The following FGF12 variants were observed in gnomAD, a reference collection of about 807,000 sequenced individuals.
FGF12 encodes fibroblast growth factor 12B.
In FGF12, 14 loss-of-function variants were observed where a neutral mutation model predicts 23.6. That is an observed-to-expected ratio of 0.59 (90% CI 0.39 to 0.93). FGF12 has a LOEUF of 0.93. Among genes scored for constraint, FGF12 ranks in the 40% least tolerant of loss-of-function variants. The pLI, the probability that FGF12 is intolerant of heterozygous loss-of-function variation, is 0.00. For missense variants in FGF12, 175 were observed against 217.8 expected (o/e 0.80, Z 1.24); for synonymous variants, 62 against 77.3 (o/e 0.80, Z 1.04).
rs1272983213 is a variant in FGF12, at chr3:192,727,181, C to A, written c.13G>T (p.Glu5Ter). The A allele has an allele frequency of 1.3e-6, 2 of 1,580,186 alleles. No homozygotes were observed. Among genetic ancestry groups the A allele is most frequent in the Admixed American group, 1.8e-5 (1 of 55,126 alleles). The stretch of plus-strand genomic sequence containing the variant: ...TCCCCCGATAGGGACAACCACATAC[C>A]TTTGCTCTCCATTTCGGTCCCTTTC... MESK[E>*]PQLKGIVTRL... Residue 5 changes from glutamate to a stop codon, truncating the protein, a stop_gained and splice_region_variant, in exon 2 of 6, where the codon GAA (glutamate) becomes TAA (stop). Transcript: ENST00000445105. LOFTEE classifies it high-confidence loss of function.
At chr3:192,199,152 G>A (rs553569666) in intron 4 of FGF12, among the ~76,000 whole-genome samples, 25 of 152,292 alleles carry the variant, frequency 1.6e-4, no homozygotes, top group African/African-American at 4.1e-4. Flanking sequence ...ATGTTACTTC[G>A]TCTCTCTTGG....
chr3:192,235,632 G>C (rs1277714029), intron 4 of FGF12, among the ~76,000 whole-genome samples: 1 of 152,094 alleles, frequency 6.6e-6, no homozygotes, highest in African/African-American at 2.4e-5. Context: ...TCTTCTAGGT[G>C]TTTTAGTTGG....
At chr3:192,455,550 A>T (rs891927333) in intron 2 of FGF12, among the ~76,000 whole-genome samples, 1 of 152,206 alleles carries the variant, frequency 6.6e-6, no homozygotes, top group Non-Finnish European at 1.5e-5. Context: ...ATCTCTACAC[A>T]GTTTATTGTG....
intron 2 of FGF12, among the ~76,000 whole-genome samples, chr3:192,574,769 T>C (rs1483463413): frequency 1.3e-5 from 2 of 152,186 alleles, no homozygotes; most frequent in African/African-American, 2.4e-5. Flanking sequence ...TAAAAATGCA[T>C]CTTTGGAAGT....
intron 2 of FGF12, among the ~76,000 whole-genome samples, chr3:192,454,920 G>C (rs1161778013): frequency 6.7e-6 from 1 of 150,362 alleles, no homozygotes; most frequent in Non-Finnish European, 1.5e-5. Flanking sequence ...ATGTCTGTGG[G>C]CTTGGACATC....
rs1015693735 is a variant in FGF12 at position 192,332,335 on chromosome 3, G to A, written c.228+3026C>T. Among the ~76,000 whole-genome samples the A allele has an allele frequency of 5.9e-5, 9 of 151,694 alleles. No homozygotes were observed. The East Asian group carries it at 1.7e-3, about 29-fold the overall frequency. On this transcript the variant is annotated intron_variant, in intron 4 of 5. Coordinates refer to ENST00000445105, the MANE Select transcript of FGF12 (RefSeq NM_004113.6). ...TACAGGAATAAAAATACAGCCTGAG[G>A]TTACAAACTTGCAGAAGAATTTAAT... is the stretch of plus-strand genomic sequence containing the variant.
chr3:192,450,542 A>G (rs1722493534), intron 2 of FGF12, among the ~76,000 whole-genome samples: 1 of 152,236 alleles, frequency 6.6e-6, no homozygotes, highest in Non-Finnish European at 1.5e-5. Flanking sequence ...TACAATTACA[A>G]TGACCACAGT....
At chr3:192,642,527 C>T (rs1289444271) in intron 2 of FGF12, among the ~76,000 whole-genome samples, 1 of 152,244 alleles carries the variant, frequency 6.6e-6, no homozygotes, top group East Asian at 1.9e-4. Context: ...ACTTTTGTCT[C>T]TGGCCAAAGA....
intron 2 of FGF12, among the ~76,000 whole-genome samples, chr3:192,500,447 C>T (rs534072640): frequency 7.9e-5 from 12 of 152,218 alleles, no homozygotes; most frequent in Admixed American, 5.9e-4. Flanking sequence ...TCCCCCCACC[C>T]GCCACACACA....
chr3:192,694,331 T>C (rs554416017), intron 2 of FGF12, among the ~76,000 whole-genome samples: 3 of 152,224 alleles, frequency 2.0e-5, no homozygotes, highest in Non-Finnish European at 4.4e-5. Flanking sequence ...ACGAACAGTA[T>C]GAAAGTTCCT....
chr3:192,453,488 C>T (rs1722587564), intron 2 of FGF12, among the ~76,000 whole-genome samples: 1 of 152,098 alleles, frequency 6.6e-6, no homozygotes, highest in African/African-American at 2.4e-5. Context: ...CATTTAACTT[C>T]AAGGTCATAT....
In FGF12 at chr3:192,408,391, T is replaced by C; in HGVS notation, c.14-47853A>G. On this transcript the variant is annotated intron_variant, in intron 2 of 5. Coordinates refer to ENST00000445105, the MANE Select transcript of FGF12 (RefSeq NM_004113.6). The surrounding 1 kb of genome is among the most constrained non-coding windows in gnomAD (Gnocchi z 7.3). ...GAAAACCCGGCGCTCACAAGGTTAG[T>C]CAAAGTCTGGGCAGTGGCGACAAAA... 7.1e-7 allele frequency: 1 copy of C among 1,418,226 alleles called. No individual in the cohort carries two copies. Among genetic ancestry groups the C allele is most frequent in the Middle Eastern group, 2.6e-4 (1 of 3,822 alleles). 87.9% of individuals were successfully genotyped at this position (1,418,226 alleles called of 1,614,324 possible).
intron 2 of FGF12, among the ~76,000 whole-genome samples, chr3:192,605,627 G>T (rs1409825182): frequency 6.6e-6 from 1 of 152,050 alleles, no homozygotes; most frequent in Non-Finnish European, 1.5e-5. Flanking sequence ...GAATCTATGA[G>T]AAAGCTAAAC....
chr3:192,570,495 G>A (rs529611032), intron 2 of FGF12, among the ~76,000 whole-genome samples: 2 of 152,284 alleles, frequency 1.3e-5, no homozygotes, highest in South Asian at 2.1e-4. Context: ...GTCTGGAGGT[G>A]GGGATTTCAT....
intron 2 of FGF12, among the ~76,000 whole-genome samples, chr3:192,383,747 T>C (rs553085476): frequency 2.0e-5 from 3 of 152,112 alleles, no homozygotes; most frequent in East Asian, 1.9e-4. Flanking sequence ...ACCACATTAT[T>C]TGAGGAGGGA....
At chr3:192,649,571 T>G (rs185615701) in intron 2 of FGF12, among the ~76,000 whole-genome samples, 80 of 152,246 alleles carry the variant, frequency 5.3e-4, no homozygotes, top group African/African-American at 1.5e-3. Context: ...TATTTATTAT[T>G]TTTTAATAGA....
rs1387029067 is a variant in FGF12 at position 192,143,638 on chromosome 3, T to G, written c.*371A>C. The G allele has an allele frequency of 6.0e-6, 1 of 165,848 alleles. No individual in the cohort carries two copies. Among genetic ancestry groups the G allele is most frequent in the Non-Finnish European group, 1.3e-5 (1 of 77,352 alleles). 10.3% of individuals were successfully genotyped at this position (165,848 alleles called of 1,614,324 possible). ...ATATAACATCAGTTTGTGAGTTCAATTCTCCAAATCCTTTCCTTTAAAGTA... is the reference window on the plus strand; with the variant it reads ...ATATAACATCAGTTTGTGAGTTCAAGTCTCCAAATCCTTTCCTTTAAAGTA... On this transcript the variant is annotated 3_prime_UTR_variant, in exon 6 of 6. Transcript: ENST00000445105.
intron 2 of FGF12, among the ~76,000 whole-genome samples, chr3:192,602,495 C>T (rs181921357): frequency 2.7e-4 from 41 of 152,216 alleles, no homozygotes; most frequent in Admixed American, 9.2e-4. Flanking sequence ...TTGATGATTA[C>T]ACATCCTCTC....
intron 4 of FGF12, among the ~76,000 whole-genome samples, chr3:192,279,802 T>C (rs995808309): frequency 6.6e-6 from 1 of 152,162 alleles, no homozygotes; most frequent in Non-Finnish European, 1.5e-5. Context: ...TGGGCTTGAG[T>C]TTCCATGTCG....
Sources: allele counts gnomAD v4.1 joint callset (sites outside exome capture counted in the v4.1 genomes callset), GRCh38; gene constraint gnomAD v4.1.1; non-coding constraint Gnocchi (gnomAD v3.1); transcripts MANE v1.5; gene names NCBI Gene and HGNC (gene_info 2026-07-23, HGNC 2026-07-21).